CAP2: variants seen among roughly 807,000 people sequenced by gnomAD.
CAP2 encodes the protein adenylyl cyclase-associated protein 2.
In CAP2, 24 loss-of-function variants were observed where a neutral mutation model predicts 57.7. The observed-to-expected ratio is 0.42, with a 90% CI of 0.30 to 0.58. The LOEUF (loss-of-function observed/expected upper bound fraction) is 0.58. CAP2 is among the 20% of genes least tolerant of loss of function. CAP2 has a pLI of 0.22. For synonymous variants in CAP2, 194 were observed against 207.2 expected (o/e 0.94, Z 0.55); for missense variants, 501 against 590.3 (o/e 0.85, Z 1.57).
chr6:17,441,735 T>G (rs1760079960), intron 3 of CAP2, among the ~76,000 whole-genome samples: 1 of 152,178 alleles, frequency 6.6e-6, no homozygotes, highest in South Asian at 2.1e-4. Context: ...TCCTCCCACC[T>G]TGGCCTCCCA....
chr6:17,461,888 G>A (rs1470397043), intron 3 of CAP2, among the ~76,000 whole-genome samples: 1 of 149,778 alleles, frequency 6.7e-6, no homozygotes, highest in Admixed American at 6.7e-5. Context: ...AGCTACTCGG[G>A]GGGCTGAGGC....
At chr6:17,488,273 T>C (rs1761468024) in intron 4 of CAP2, among the ~76,000 whole-genome samples, 1 of 152,206 alleles carries the variant, frequency 6.6e-6, no homozygotes, top group Middle Eastern at 3.2e-3. Context: ...CTTTGTGCTC[T>C]TTTTGGTATC....
intron 4 of CAP2, among the ~76,000 whole-genome samples, chr6:17,470,915 C>G (rs1483507528): frequency 1.3e-5 from 2 of 152,178 alleles, no homozygotes; most frequent in Non-Finnish European, 2.9e-5. Context: ...AATCTAACAG[C>G]TGAATTTTTA....
intron 4 of CAP2, among the ~76,000 whole-genome samples, chr6:17,473,224 C>CTA (rs2113611703): frequency 6.6e-6 from 1 of 152,292 alleles, no homozygotes; most frequent in East Asian, 1.9e-4. Flanking sequence ...CTGTTCCATA[C>CTA]TAAGTTCGTT....
intron 7 of CAP2, among the ~76,000 whole-genome samples, chr6:17,526,407 C>T (rs898483209): frequency 4.0e-5 from 6 of 151,878 alleles, no homozygotes; most frequent in Non-Finnish European, 8.8e-5. Context: ...CGTCAGCCAC[C>T]GCACCCAGCC....
At chr6:17,537,336 A>G (rs889833569) in intron 7 of CAP2, among the ~76,000 whole-genome samples, 4 of 152,030 alleles carry the variant, frequency 2.6e-5, no homozygotes, top group Non-Finnish European at 5.9e-5. Flanking sequence ...ACAGGCATGC[A>G]TCACCATGCT....
In CAP2 at chr6:17,421,598, G is replaced by C. The variant is rs771633981; in HGVS notation, c.43G>C (p.Val15Leu). The change falls in exon 2 of 13, where the codon GTC (valine) becomes CTC (leucine). Residue 15 changes from valine to leucine, a missense_variant. Coordinates refer to ENST00000229922, the MANE Select transcript of CAP2 (RefSeq NM_006366.3). ...ACTGGTGGAAAGACTGGAACGAGCTGTCAGCCGCCTGGAGTCGCTGTCTGC... is the reference window on the plus strand; with the variant it reads ...ACTGGTGGAAAGACTGGAACGAGCTCTCAGCCGCCTGGAGTCGCTGTCTGC... ...QGLVERLERA[V>L]SRLESLSAES... The C allele has an allele frequency of 6.2e-7, 1 of 1,614,180 alleles. No homozygotes were observed. Among genetic ancestry groups the C allele is most frequent in the East Asian group, 2.2e-5 (1 of 44,872 alleles).
At chr6:17,542,305 C>A (rs188219881) in intron 9 of CAP2, among the ~76,000 whole-genome samples, 7 of 152,300 alleles carry the variant, frequency 4.6e-5, no homozygotes, top group Admixed American at 4.6e-4. Context: ...CTACTGCTGC[C>A]ACCCCCCACT....
intron 3 of CAP2, among the ~76,000 whole-genome samples, chr6:17,432,302 C>T (rs894731947): frequency 6.6e-6 from 1 of 152,090 alleles, no homozygotes; most frequent in Non-Finnish European, 1.5e-5. Flanking sequence ...GAATCTGTGT[C>T]TATCCAGGAT....
chr6:17,482,971 T>G (rs1761329409), intron 4 of CAP2, among the ~76,000 whole-genome samples: 1 of 152,266 alleles, frequency 6.6e-6, no homozygotes, highest in African/African-American at 2.4e-5. Context: ...GCCAGTTGTT[T>G]AGCGTGTCCT....
At chr6:17,525,943 G>A (rs1308728971) in intron 7 of CAP2, among the ~76,000 whole-genome samples, 4 of 152,148 alleles carry the variant, frequency 2.6e-5, no homozygotes, top group African/African-American at 7.2e-5. Context: ...TTCAGCCTGA[G>A]ATCAGTAGCA....
intron 4 of CAP2, among the ~76,000 whole-genome samples, chr6:17,500,636 A>G (rs893203037): frequency 1.3e-5 from 2 of 152,062 alleles, no homozygotes; most frequent in East Asian, 1.9e-4. Context: ...TTTGTGACAC[A>G]TGCAAACTTA....
intron 3 of CAP2, among the ~76,000 whole-genome samples, chr6:17,441,532 G>A (rs207466746): frequency 2.0e-5 from 3 of 151,600 alleles, no homozygotes; most frequent in Non-Finnish European, 2.9e-5. Flanking sequence ...CGCCCAGGCT[G>A]GAGTGCAGTA....
intron 3 of CAP2, among the ~76,000 whole-genome samples, chr6:17,432,335 A>T (rs1396891057): frequency 3.9e-5 from 6 of 152,172 alleles, no homozygotes. Flanking sequence ...AAATCTTATC[A>T]GAAGCACCAC....
chr6:17,496,069 C>A (rs1761664265), intron 4 of CAP2, among the ~76,000 whole-genome samples: 1 of 141,774 alleles, frequency 7.1e-6, no homozygotes, highest in Non-Finnish European at 1.5e-5. Context: ...TGCTTTACCT[C>A]TGTTAAATGC....
rs1762210526 is a variant in CAP2 at position 17,513,823 on chromosome 6, T to G, written c.531-26T>G. On this transcript the variant is annotated intron_variant, in intron 6 of 12. Transcript: ENST00000229922. This position sits in a 1 kb window ranked among gnomAD's most constrained non-coding sequence, Gnocchi z 4.3. Reference sequence around the variant, plus strand: ...TTTTATTTTAGATCCTAACTCTGCTTTCTTCAACCCTCTTTCACAACAAAG... The same window carrying G: ...TTTTATTTTAGATCCTAACTCTGCTGTCTTCAACCCTCTTTCACAACAAAG... 6.7e-7 allele frequency: 1 copy of G among 1,502,178 alleles called. No homozygotes were observed. The highest frequency in any genetic ancestry group is 1.4e-5 in the African/African-American group (1 of 72,734). 93.1% of individuals were successfully genotyped at this position (1,502,178 alleles called of 1,614,324 possible).
intron 4 of CAP2, among the ~76,000 whole-genome samples, chr6:17,478,308 T>G (rs1010937131): frequency 8.1e-5 from 12 of 147,880 alleles, no homozygotes; most frequent in African/African-American, 3.0e-4. Context: ...TTTTTTTTTT[T>G]TTTTTTTTTG....
intron 4 of CAP2, among the ~76,000 whole-genome samples, chr6:17,496,711 C>G (rs558655895): frequency 6.6e-6 from 1 of 152,298 alleles, no homozygotes; most frequent in Non-Finnish European, 1.5e-5. Flanking sequence ...TTAAGGATCA[C>G]TGGAGCTAAG....
At chr6:17,483,759 C>CTCCCCGGCGTGGCTGACAGGGGTGTTT (rs1581558282) in intron 4 of CAP2, among the ~76,000 whole-genome samples, 4 of 152,290 alleles carry the variant, frequency 2.6e-5, no homozygotes, top group South Asian at 4.1e-4. Context: ...AGAGATTCCT[C>CTCCCCGGCGTGGCTGACAGGGGTGTTT]TCCCCGGCGT....
Sources: gnomAD v4.1 joint callset for allele counts (sites outside exome capture counted in the v4.1 genomes callset) on GRCh38, gnomAD v4.1.1 for gene constraint, Gnocchi (gnomAD v3.1) non-coding constraint, MANE v1.5 for transcripts, NCBI Gene and HGNC (gene_info 2026-07-23, HGNC 2026-07-21) for gene names.